The following NRP1 variants were observed in gnomAD, a reference collection of about 807,000 sequenced individuals.
NRP1 encodes neuropilin 1.
NRP1 carries 35 observed loss-of-function variants against 106.7 expected under a neutral mutation model. That is an observed-to-expected ratio of 0.33 (90% CI 0.25 to 0.43). The LOEUF (loss-of-function observed/expected upper bound fraction) is 0.43. Ranked by LOEUF, NRP1 falls within the 20% of genes least tolerant of loss-of-function variation. NRP1 has a pLI of 1.00. For missense variants in NRP1, 1,024 were observed against 1,170.4 expected, an observed-to-expected ratio of 0.87 and a Z score of 1.83; for synonymous variants, 437 against 417.9, an observed-to-expected ratio of 1.05 and a Z score of -0.56.
At chr10:33,311,055 G>T (rs2132788428) in intron 2 of NRP1, among the ~76,000 whole-genome samples, 1 of 152,302 alleles carries the variant, frequency 6.6e-6, no homozygotes, top group African/African-American at 2.4e-5. Flanking sequence ...GTGTAAAGGG[G>T]TTGATTGGGA....
intron 9 of NRP1, among the ~76,000 whole-genome samples, chr10:33,209,794 A>G (rs1838149260): frequency 6.6e-6 from 1 of 152,260 alleles, no homozygotes; most frequent in Non-Finnish European, 1.5e-5. Context: ...TGATTTTAAT[A>G]GGTGAAAACA....
intron 2 of NRP1, among the ~76,000 whole-genome samples, chr10:33,302,276 A>G (rs1845855257): frequency 6.6e-6 from 1 of 152,198 alleles, no homozygotes; most frequent in African/African-American, 2.4e-5. Flanking sequence ...ATTCCTTCTT[A>G]TGTTGTTACT....
At chr10:33,211,640 G>A (rs1386133500) in intron 9 of NRP1, 3 of 152,202 alleles carry the variant, frequency 2.0e-5, no homozygotes, top group African/African-American at 4.8e-5. Flanking sequence ...GTGGCCTGTC[G>A]GGGACACGGA....
chr10:33,265,183 G>A (rs1030259717), intron 3 of NRP1, among the ~76,000 whole-genome samples: 2 of 152,104 alleles, frequency 1.3e-5, no homozygotes, highest in Non-Finnish European at 2.9e-5. Context: ...ACCAACATGA[G>A]CACATCAGCT....
intron 2 of NRP1, among the ~76,000 whole-genome samples, chr10:33,299,108 C>T (rs776659999): frequency 1.1e-4 from 17 of 152,146 alleles, no homozygotes; most frequent in South Asian, 2.1e-4. Flanking sequence ...TTACATTGCT[C>T]AAGGTCACAG....
At chr10:33,248,325 G>GGAAA (rs1371303777) in intron 6 of NRP1, among the ~76,000 whole-genome samples, 1 of 152,164 alleles carries the variant, frequency 6.6e-6, no homozygotes, top group African/African-American at 2.4e-5. Flanking sequence ...AGAGCGCTAT[G>GGAAA]GAAACATAAG....
chr10:33,240,556 G>C (rs1267830665), intron 6 of NRP1, among the ~76,000 whole-genome samples: 1 of 152,210 alleles, frequency 6.6e-6, no homozygotes, highest in African/African-American at 2.4e-5. Flanking sequence ...AGATGAGGGT[G>C]ATGGTCTAAA....
chr10:33,212,994 A>G, intron 9 of NRP1: 1 of 526,076 alleles, frequency 1.9e-6, no homozygotes, highest in Non-Finnish European at 3.3e-6. Context: ...TATAAAAGAA[A>G]CAAAGCACTT....
intron 2 of NRP1, among the ~76,000 whole-genome samples, chr10:33,314,188 G>T (rs1033758967): frequency 6.6e-6 from 1 of 151,466 alleles, no homozygotes; most frequent in Non-Finnish European, 1.5e-5. Flanking sequence ...TGGGGTTACC[G>T]TGATCCTTCC....
chr10:33,265,643 A>T (rs1274861448), intron 3 of NRP1, among the ~76,000 whole-genome samples: 1 of 152,194 alleles, frequency 6.6e-6, no homozygotes, highest in Non-Finnish European at 1.5e-5. Context: ...GGCATTGCAG[A>T]TGCAGAAGAA....
intron 3 of NRP1, among the ~76,000 whole-genome samples, chr10:33,268,093 T>C (rs1488258038): frequency 1.3e-5 from 2 of 152,236 alleles, no homozygotes; most frequent in African/African-American, 4.8e-5. Context: ...ATGAATTCTA[T>C]AATATCATTA....
intron 2 of NRP1, among the ~76,000 whole-genome samples, chr10:33,308,133 C>T (rs1029642653): frequency 4.6e-5 from 7 of 152,018 alleles, no homozygotes; most frequent in Non-Finnish European, 5.9e-5. Context: ...TAAAATAGTG[C>T]ATGTTCTCAT....
Position 33,213,710 on chromosome 10 carries a change from A to C in NRP1, c.1290T>G (p.Pro430=). The part of the protein sequence containing the change: ...EVYGCKITDY[P]CSGMLGMVSG... Reference sequence around the variant, plus strand: ...ACACCATACCCAACATTCCAGAGCAAGGATAATCTGGGAAGTGAAATGAAA... The same window carrying C: ...ACACCATACCCAACATTCCAGAGCACGGATAATCTGGGAAGTGAAATGAAA... The change falls in exon 9 of 17, where the codon CCT becomes CCG. Residue 430 remains proline (P), a synonymous_variant. Coordinates refer to ENST00000374867, the MANE Select transcript of NRP1 (RefSeq NM_003873.7). The C allele has an allele frequency of 6.3e-7, 1 of 1,580,414 alleles. No homozygotes were observed. The highest frequency in any genetic ancestry group is 1.4e-5 in the African/African-American group (1 of 73,866).
At chr10:33,310,513 A>G (rs1266903550) in intron 2 of NRP1, among the ~76,000 whole-genome samples, 1 of 152,054 alleles carries the variant, frequency 6.6e-6, no homozygotes, top group Non-Finnish European at 1.5e-5. Context: ...GGCCTCCCAA[A>G]GTGCTAGGAT....
Position 33,179,934 on chromosome 10 carries a change from C to T in NRP1, c.*142G>A. 4 of 794,464 alleles carry T rather than the reference C, an allele frequency of 5.0e-6. No individual in the cohort carries two copies. Among genetic ancestry groups the T allele is most frequent in the East Asian group, 4.9e-5 (2 of 40,862 alleles). The allele number at this position is 794,464 out of a possible 1,614,324, so 49.2% of individuals were successfully genotyped here. ...TCCTTGTCCATGTCTGTCGGCCATA[C>T]TCATTGAAGCTCCTGAGAAAAGCCT... is the stretch of plus-strand genomic sequence containing the variant. On this transcript the variant is annotated 3_prime_UTR_variant, in exon 17 of 17. Coordinates refer to ENST00000374867, the MANE Select transcript of NRP1 (RefSeq NM_003873.7).
At chr10:33,287,531 T>C (rs2132601543) in intron 2 of NRP1, among the ~76,000 whole-genome samples, 1 of 152,340 alleles carries the variant, frequency 6.6e-6, no homozygotes, top group Admixed American at 6.5e-5. Flanking sequence ...TGTCATTATT[T>C]TAGAAGCTTG....
chr10:33,218,238 A>G (rs915450255), intron 8 of NRP1, among the ~76,000 whole-genome samples: 1 of 152,234 alleles, frequency 6.6e-6, no homozygotes, highest in African/African-American at 2.4e-5. Context: ...CCCTTCATCA[A>G]TCACCTATAA....
chr10:33,311,854 A>C (rs1166552445), intron 2 of NRP1, among the ~76,000 whole-genome samples: 2 of 152,232 alleles, frequency 1.3e-5, no homozygotes, highest in African/African-American at 2.4e-5. Flanking sequence ...CCCTAAAACA[A>C]CATTGATAAG....
intron 3 of NRP1, among the ~76,000 whole-genome samples, chr10:33,268,543 C>T (rs760730154): frequency 1.3e-5 from 2 of 152,084 alleles, no homozygotes; most frequent in African/African-American, 2.4e-5. Flanking sequence ...CTAACAGATA[C>T]GTAGGGAGCT....
Sources: allele counts gnomAD v4.1 joint callset (sites outside exome capture counted in the v4.1 genomes callset), GRCh38; gene constraint gnomAD v4.1.1; transcripts MANE v1.5; gene names NCBI Gene and HGNC (gene_info 2026-07-23, HGNC 2026-07-21).